COL8A1: variants seen among roughly 807,000 people sequenced by gnomAD.
COL8A1 encodes the protein collagen alpha-1(VIII) chain.
COL8A1 carries 21 observed loss-of-function variants against 42.7 expected under a neutral mutation model. That is an observed-to-expected ratio of 0.49 (90% CI 0.35 to 0.71). COL8A1 has a LOEUF of 0.71. Among genes scored for constraint, COL8A1 ranks in the 30% least tolerant of loss-of-function variants. The probability of loss-of-function intolerance (pLI) is 0.01; values close to 1 mark genes in which losing one functional copy is unlikely to be tolerated. For missense variants in COL8A1, 788 were observed against 962.4 expected, an observed-to-expected ratio of 0.82 and a Z score of 2.40; for synonymous variants, 367 against 369.1, an observed-to-expected ratio of 0.99 and a Z score of 0.06.
intron 1 of COL8A1, among the ~76,000 whole-genome samples, chr3:99,698,790 G>T (rs1939451153): frequency 6.6e-6 from 1 of 152,216 alleles, no homozygotes; most frequent in African/African-American, 2.4e-5. Flanking sequence ...CTCCATAGGA[G>T]AGACTGAGAC....
chr3:99,678,255 T>C (rs1022834262), intron 1 of COL8A1: 1 of 152,022 alleles, frequency 6.6e-6, no homozygotes, highest in African/African-American at 2.4e-5. Context: ...CAAAACAACT[T>C]GTCTGAAATG....
chr3:99,653,363 C>T (rs1180648725), intron 1 of COL8A1, among the ~76,000 whole-genome samples: 2 of 151,968 alleles, frequency 1.3e-5, no homozygotes, highest in African/African-American at 4.8e-5. Flanking sequence ...GGCTGATTGA[C>T]ATTTTTGGTC....
intron 1 of COL8A1, among the ~76,000 whole-genome samples, chr3:99,733,143 T>C (rs11715961): frequency 0.47 from 70,088 of 147,712 alleles, 16,984 homozygotes; most frequent in East Asian, 0.63. Flanking sequence ...TTAAACTTTC[T>C]TTTTTTTATT....
chr3:99,665,157 C>T (rs1490037417), intron 1 of COL8A1, among the ~76,000 whole-genome samples: 1 of 152,186 alleles, frequency 6.6e-6, no homozygotes, highest in Non-Finnish European at 1.5e-5. Flanking sequence ...GTGCCAGGCT[C>T]TCTCCTTCTT....
chr3:99,674,079 C>T (rs1938620766), intron 1 of COL8A1, among the ~76,000 whole-genome samples: 1 of 152,008 alleles, frequency 6.6e-6, no homozygotes, highest in Non-Finnish European at 1.5e-5. Context: ...TGGAAAGAAA[C>T]AATCCTATGC....
At chr3:99,680,812 C>T (rs945660926) in intron 1 of COL8A1, among the ~76,000 whole-genome samples, 7 of 152,128 alleles carry the variant, frequency 4.6e-5, no homozygotes, top group African/African-American at 1.7e-4. Context: ...TGGAACAGAA[C>T]AGAGCCCTCA....
intron 2 of COL8A1, among the ~76,000 whole-genome samples, chr3:99,749,331 C>A (rs1941093828): frequency 6.6e-6 from 1 of 151,806 alleles, no homozygotes; most frequent in South Asian, 2.1e-4. Flanking sequence ...AAGGTCTTAA[C>A]CACTACTGCT....
At chr3:99,683,395 G>C (rs1396801244) in intron 1 of COL8A1, among the ~76,000 whole-genome samples, 1 of 152,218 alleles carries the variant, frequency 6.6e-6, no homozygotes, top group African/African-American at 2.4e-5. Context: ...AAAATCACAG[G>C]AGATAATATA....
At chr3:99,681,079 G>T (rs978349851) in intron 1 of COL8A1, among the ~76,000 whole-genome samples, 1 of 152,142 alleles carries the variant, frequency 6.6e-6, no homozygotes, top group African/African-American at 2.4e-5. Context: ...ATAGGCATGG[G>T]CAAGGACTTC....
At chr3:99,665,126 G>A (rs1180762158) in intron 1 of COL8A1, among the ~76,000 whole-genome samples, 2 of 152,206 alleles carry the variant, frequency 1.3e-5, no homozygotes, top group Non-Finnish European at 1.5e-5. Context: ...CCATTTCTCA[G>A]ACTAGAAGTC....
intron 2 of COL8A1, among the ~76,000 whole-genome samples, chr3:99,760,023 C>T (rs1941337207): frequency 6.6e-6 from 1 of 151,972 alleles, no homozygotes; most frequent in Admixed American, 6.6e-5. Flanking sequence ...AGAGTAAGGC[C>T]TAGGAATTGC....
In COL8A1 at chr3:99,760,810, A is replaced by T. The variant is rs1559629296; in HGVS notation, c.-4+15789A>T. Among the ~76,000 whole-genome samples, 4 of 152,338 alleles carry T rather than the reference A, an allele frequency of 2.6e-5. No individual in the cohort carries two copies. The South Asian group carries it at 8.3e-4, about 32-fold the overall frequency. On this transcript the variant is annotated intron_variant, in intron 2 of 3. Transcript: ENST00000652472. ...CCCAGCCTGACATTTGGCTCAGCAC[A>T]GAGGGTAGGCAGCCAAAAAGAAGTC... is the stretch of plus-strand genomic sequence containing the variant.
In COL8A1 at chr3:99,703,236, A is replaced by T. The variant is rs146832120; in HGVS notation, c.-128-41661A>T. 2.0e-5 allele frequency: 3 copies of T among 152,344 alleles called. No individual in the cohort carries two copies. The East Asian group carries it at 5.8e-4, about 29-fold the overall frequency. The allele number at this position is 152,344 out of a possible 1,614,324, so 9.4% of individuals were successfully genotyped here. A position where few individuals can be genotyped will look rare whatever the true frequency, so the allele number is the denominator to read the frequency against. ...TGTTTAGATTAGACTCCAAGGAAAC[A>T]TATGCAGGTGCTGTATTAACTGATT... On this transcript the variant is annotated intron_variant, in intron 1 of 3. Transcript: ENST00000652472.
intron 1 of COL8A1, among the ~76,000 whole-genome samples, chr3:99,741,557 C>T (rs1430878283): frequency 1.3e-5 from 2 of 152,146 alleles, no homozygotes; most frequent in South Asian, 2.1e-4. Context: ...ATGACTTACT[C>T]ATCTGGCAAC....
Position 99,793,568 on chromosome 3 carries a change from T to C in COL8A1, c.329-662T>C, listed in dbSNP as rs180798411. Among the ~76,000 whole-genome samples the C allele has an allele frequency of 4.5e-4, 68 of 152,308 alleles. No individual in the cohort carries two copies. In the East Asian group the frequency reaches 0.013, roughly 29 times the overall value. ...TTTATACATCTTTGAATCTTCCAAA[T>C]TCACTATAATAAACACACCATAATA... is the stretch of plus-strand genomic sequence containing the variant. On this transcript the variant is annotated intron_variant, in intron 3 of 3. Coordinates refer to ENST00000652472, the MANE Select transcript of COL8A1 (RefSeq NM_020351.4).
chr3:99,738,529 G>T (rs1341952212), intron 1 of COL8A1, among the ~76,000 whole-genome samples: 2 of 152,222 alleles, frequency 1.3e-5, no homozygotes, highest in East Asian at 3.8e-4. Flanking sequence ...TCCTAGTTAG[G>T]CTGCTCGGGG....
chr3:99,757,362 G>T (rs1488567134), intron 2 of COL8A1, among the ~76,000 whole-genome samples: 1 of 152,152 alleles, frequency 6.6e-6, no homozygotes, highest in Non-Finnish European at 1.5e-5. Flanking sequence ...GACCATTCAT[G>T]ACATTGACTA....
chr3:99,748,349 G>A (rs952403839), intron 2 of COL8A1, among the ~76,000 whole-genome samples: 5 of 152,168 alleles, frequency 3.3e-5, no homozygotes, highest in African/African-American at 9.7e-5. Context: ...GAGATGTGCT[G>A]TGAGTGTGAA....
intron 2 of COL8A1, among the ~76,000 whole-genome samples, chr3:99,758,954 G>T (rs1941312723): frequency 6.6e-6 from 1 of 152,000 alleles, no homozygotes; most frequent in Admixed American, 6.6e-5. Context: ...ACTATTATTG[G>T]CCTTGACACT....
Sources: allele counts gnomAD v4.1 joint callset (sites outside exome capture counted in the v4.1 genomes callset), GRCh38; gene constraint gnomAD v4.1.1; transcripts MANE v1.5; gene names NCBI Gene and HGNC (gene_info 2026-07-23, HGNC 2026-07-21).